JAZF1: variants seen among roughly 807,000 people sequenced by gnomAD.
JAZF1 encodes the protein JAZF zinc finger 1.
A neutral mutation model predicts 26.4 loss-of-function variants in JAZF1; 8 were observed. The ratio of observed to expected loss-of-function variants is 0.30; its 90% CI spans 0.18 to 0.55. The LOEUF is 0.55. Among genes scored for constraint, JAZF1 ranks in the 20% least tolerant of loss-of-function variants. The probability of loss-of-function intolerance (pLI) is 0.94; values close to 1 mark genes in which losing one functional copy is unlikely to be tolerated. For synonymous variants in JAZF1, 126 were observed against 122.3 expected (o/e 1.03, Z -0.20); for missense variants, 199 against 322.0 (o/e 0.62, Z 2.92).
chr7:28,154,914 C>T (rs1043931910), intron 1 of JAZF1, among the ~76,000 whole-genome samples: 1 of 150,840 alleles, frequency 6.6e-6, no homozygotes, highest in South Asian at 2.1e-4. Flanking sequence ...ACAAAACATA[C>T]TAGGGAGAGA....
intron 1 of JAZF1, among the ~76,000 whole-genome samples, chr7:28,112,922 C>T (rs978124376): frequency 6.6e-6 from 1 of 152,264 alleles, no homozygotes; most frequent in Admixed American, 6.5e-5. Context: ...AAAAGAATGA[C>T]GAGGATCTCA....
Position 28,063,993 on chromosome 7 carries a change from T to C in JAZF1, c.116-72012A>G, listed in dbSNP as rs551805055. Reference sequence around the variant, plus strand: ...ATCATATTGAAGCAGAGTTTCAACATGACTGCAATAAATGCTCCATTTTTT... The same window carrying C: ...ATCATATTGAAGCAGAGTTTCAACACGACTGCAATAAATGCTCCATTTTTT... On this transcript the variant is annotated intron_variant, in intron 1 of 4. Transcript: ENST00000283928. 1.8e-4 allele frequency among the ~76,000 whole-genome samples: 28 copies of C among 152,256 alleles called. 1 individual carries two copies. The South Asian group carries it at 2.3e-3, about 12-fold the overall frequency.
rs117586313 is a variant in JAZF1 at position 28,075,132 on chromosome 7, C to G, written c.116-83151G>C. Among the ~76,000 whole-genome samples the G allele has an allele frequency of 4.3e-3, 654 of 152,260 alleles. 3 individuals carry two copies. The highest frequency in any genetic ancestry group is 8.0e-3 in the Non-Finnish European group (543 of 68,022). On this transcript the variant is annotated intron_variant, in intron 1 of 4. Transcript: ENST00000283928. ...TACTACACTCACTGCAAATTTATGA[C>G]CCGGCAAATCAACACATCTCTCCAA...
intron 1 of JAZF1, among the ~76,000 whole-genome samples, chr7:28,158,251 A>G (rs901890664): frequency 4.6e-5 from 7 of 151,826 alleles, no homozygotes; most frequent in Non-Finnish European, 8.8e-5. Flanking sequence ...CCTGGGCCTC[A>G]CCCAAAACCC....
intron 1 of JAZF1, among the ~76,000 whole-genome samples, chr7:28,108,163 A>G (rs1162672286): frequency 6.6e-6 from 1 of 152,244 alleles, no homozygotes; most frequent in East Asian, 1.9e-4. Context: ...GAGTCACTCA[A>G]CAAGTATTTC....
intron 1 of JAZF1, among the ~76,000 whole-genome samples, chr7:28,135,036 A>T (rs1782858470): frequency 6.6e-6 from 1 of 152,236 alleles, no homozygotes; most frequent in African/African-American, 2.4e-5. Context: ...TCCTGTTTGC[A>T]GTAGCAATTT....
At chr7:28,146,062 A>G (rs1287530070) in intron 1 of JAZF1, among the ~76,000 whole-genome samples, 1 of 152,186 alleles carries the variant, frequency 6.6e-6, no homozygotes, top group Non-Finnish European at 1.5e-5. Context: ...AATACTGTTT[A>G]TTGACTTTCC....
At chr7:27,981,333 C>T (rs1785580327) in intron 2 of JAZF1, among the ~76,000 whole-genome samples, 1 of 152,138 alleles carries the variant, frequency 6.6e-6, no homozygotes, top group African/African-American at 2.4e-5. Context: ...AAGGTAGAAA[C>T]ATTCTGTGGG....
Position 27,993,816 on chromosome 7 carries a change from G to C in JAZF1, c.116-1835C>G, listed in dbSNP as rs376306457. Among the ~76,000 whole-genome samples the C allele has an allele frequency of 1.2e-3, 180 of 152,270 alleles. 6 individuals carry two copies. The South Asian group carries it at 0.036, about 31-fold the overall frequency. On this transcript the variant is annotated intron_variant, in intron 1 of 4. Transcript: ENST00000283928. ...CTGACGATCAAAGGGCTTTGCTTTT[G>C]AGACTCAAAGAGATATCTGGTGCAT...
Position 27,923,889 on chromosome 7 carries a change from T to A in JAZF1, c.189-28473A>T, listed in dbSNP as rs757041192. ...GCAACCCATCTGGCAGGGATGGGCT[T>A]GTCCAGGGTTAATGGAAGAAACAGA... On this transcript the variant is annotated intron_variant, in intron 2 of 4. Coordinates refer to ENST00000283928, the MANE Select transcript of JAZF1 (RefSeq NM_175061.4). 2.1e-4 allele frequency among the ~76,000 whole-genome samples: 32 copies of A among 152,220 alleles called. 1 individual carries two copies. Among genetic ancestry groups the A allele is most frequent in the Non-Finnish European group, 4.0e-4 (27 of 68,040 alleles).
chr7:28,132,403 CA>C lies in JAZF1; in HGVS notation c.115+48059del, dbSNP rs1429814663. Among the ~76,000 whole-genome samples the C allele has an allele frequency of 2.6e-5, 4 of 152,212 alleles. No homozygotes were observed. The East Asian group carries it at 7.7e-4, about 29-fold the overall frequency. On this transcript the variant is annotated intron_variant, in intron 1 of 4. Transcript: ENST00000283928. Reference sequence around the variant, plus strand: ...TTAGAAGCTTAAAGACTCGTGGGAACAAAGTATCAGGATACCCATAGCTTAG... The same window carrying C: ...TTAGAAGCTTAAAGACTCGTGGGAACAAGTATCAGGATACCCATAGCTTAG...
rs546027449 is a variant in JAZF1, at chr7:28,025,896, A to G, written c.116-33915T>C. Among the ~76,000 whole-genome samples the G allele has an allele frequency of 7.6e-4, 116 of 152,336 alleles. 1 individual carries two copies. Among genetic ancestry groups the G allele is most frequent in the African/African-American group, 2.8e-3 (115 of 41,578 alleles). ...TGTTATTATTCAGAGCCTTGGCACC[A>G]AACTTTGCCAAGGTGCTGATAAATC... On this transcript the variant is annotated intron_variant, in intron 1 of 4. Coordinates refer to ENST00000283928, the MANE Select transcript of JAZF1 (RefSeq NM_175061.4).
rs1782727192 is a variant in JAZF1 at position 27,832,585 on chromosome 7, A to G, written c.*215T>C. The G allele has an allele frequency of 8.0e-6, 3 of 376,002 alleles. No individual in the cohort carries two copies. Among genetic ancestry groups the G allele is most frequent in the Non-Finnish European group, 1.4e-5 (3 of 211,172 alleles). 23.3% of individuals were successfully genotyped at this position (376,002 alleles called of 1,614,324 possible). A position where few individuals can be genotyped will look rare whatever the true frequency, so the allele number is the denominator to read the frequency against. On this transcript the variant is annotated 3_prime_UTR_variant, in exon 5 of 5. Coordinates refer to ENST00000283928, the MANE Select transcript of JAZF1 (RefSeq NM_175061.4). ...TTTTTTGTTTAGCACCTTATATCAA[A>G]GTAATGAAAATGGGTATGATGATTA...
chr7:27,845,711 A>AAAAAAAAG (rs1554328474), intron 3 of JAZF1, among the ~76,000 whole-genome samples: 2,863 of 137,438 alleles, frequency 0.021, 180 homozygotes, highest in African/African-American at 0.076. Flanking sequence ...AAAAAAAAAA[A>AAAAAAAAG]AAAGAAAAGA....
At chr7:27,913,257 A>G (rs945089174) in intron 2 of JAZF1, 12 of 181,680 alleles carry the variant, frequency 6.6e-5, no homozygotes, top group African/African-American at 2.9e-4. Context: ...ATGTTTACAT[A>G]TTATATATGT....
At chr7:28,040,868 T>C (rs1783378465) in intron 1 of JAZF1, among the ~76,000 whole-genome samples, 1 of 152,112 alleles carries the variant, frequency 6.6e-6, no homozygotes, top group African/African-American at 2.4e-5. Flanking sequence ...ATCCCAAGAA[T>C]CACTTTAGAT....
intron 1 of JAZF1, among the ~76,000 whole-genome samples, chr7:28,005,809 T>C (rs893612199): frequency 6.6e-6 from 1 of 151,900 alleles, no homozygotes; most frequent in African/African-American, 2.4e-5. Flanking sequence ...ATCTGGCACT[T>C]GGCAGATGGC....
At chr7:28,174,871 C>G (rs1783526875) in intron 1 of JAZF1, among the ~76,000 whole-genome samples, 1 of 115,262 alleles carries the variant, frequency 8.7e-6, no homozygotes, top group African/African-American at 2.7e-5. Context: ...TTTAAAACTC[C>G]TAGCATTACA....
Position 28,158,186 on chromosome 7 carries a change from C to CAGAG in JAZF1, c.115+22273_115+22276dup, listed in dbSNP as rs1554292394. 7.7e-3 allele frequency among the ~76,000 whole-genome samples: 1,103 copies of CAGAG among 143,406 alleles called. 16 individuals are homozygous for CAGAG. Among genetic ancestry groups the CAGAG allele is most frequent in the African/African-American group, 0.026 (1,000 of 38,094 alleles). The allele number at this position is 143,406 out of a possible 152,430, so 94.1% of individuals were successfully genotyped here. A position where few individuals can be genotyped will look rare whatever the true frequency, so the allele number is the denominator to read the frequency against. On this transcript the variant is annotated intron_variant, in intron 1 of 4. Coordinates refer to ENST00000283928, the MANE Select transcript of JAZF1 (RefSeq NM_175061.4). ...ACACACAAACACACACACACACACA[C>CAGAG]AGAGAGAGAGAGAGAGAGGGAGAGA...
Sources: allele counts gnomAD v4.1 joint callset (sites outside exome capture counted in the v4.1 genomes callset), GRCh38; gene constraint gnomAD v4.1.1; transcripts MANE v1.5; gene names NCBI Gene and HGNC (gene_info 2026-07-23, HGNC 2026-07-21).